Variants in ATAD2 observed in about 807,000 individuals in gnomAD.
ATAD2 encodes the protein ATPase family AAA domain containing 2.
Under a neutral mutation model 168.9 loss-of-function variants are expected in ATAD2, and 62 were observed. The observed-to-expected ratio is 0.37, with a 90% CI of 0.30 to 0.45. ATAD2 has a LOEUF of 0.45. Ranked by LOEUF, ATAD2 falls within the 20% of genes least tolerant of loss-of-function variation. The pLI is 1.00. For synonymous variants in ATAD2, 613 were observed against 571.6 expected, an observed-to-expected ratio of 1.07 and a Z score of -1.03; for missense variants, 1,419 against 1,667.8, an observed-to-expected ratio of 0.85 and a Z score of 2.60.
intron 19 of ATAD2, chr8:123,344,652 T>C (rs1291221201): frequency 2.2e-6 from 1 of 456,322 alleles, no homozygotes; most frequent in South Asian, 2.2e-5. Context: ...CGGCATATAA[T>C]ACCATTTTTC....
intron 3 of ATAD2, 122 bp downstream of exon 3, chr8:123,372,515 G>T: frequency 3.9e-6 from 3 of 764,444 alleles, no homozygotes; most frequent in Non-Finnish European, 4.0e-6. Flanking sequence ...ATATACTTAC[G>T]TTAAAACCTA....
intron 1 of ATAD2, among the ~76,000 whole-genome samples, chr8:123,395,750 G>A (rs1179426518): frequency 6.6e-6 from 1 of 152,130 alleles, no homozygotes; most frequent in Non-Finnish European, 1.5e-5. Flanking sequence ...CAACCTGTCT[G>A]TCCCTGTGCC....
intron 2 of ATAD2, among the ~76,000 whole-genome samples, chr8:123,376,761 A>C (rs1314900944): frequency 6.6e-6 from 1 of 151,550 alleles, no homozygotes; most frequent in Non-Finnish European, 1.5e-5. Flanking sequence ...GTTCAAGACA[A>C]GCCTGGGTAA....
At chr8:123,377,002 A>G (rs1829333673) in intron 2 of ATAD2, among the ~76,000 whole-genome samples, 1 of 148,420 alleles carries the variant, frequency 6.7e-6, no homozygotes, top group Non-Finnish European at 1.5e-5. Context: ...GAGGCAGGAG[A>G]ATCACTTGAA....
chr8:123,321,191 G>C lies in ATAD2; in HGVS notation c.4132-16C>G, dbSNP rs1350944247. The C allele has an allele frequency of 6.3e-7, 1 of 1,599,448 alleles. No homozygotes were observed. Among genetic ancestry groups the C allele is most frequent in the Non-Finnish European group, 8.5e-7 (1 of 1,174,654 alleles). Reference sequence around the variant, plus strand: ...GCTCCATTTTCTAGATAAAGGGGAGGAAGAGCAAATAGTAAGTTTCAATAT... The same window carrying C: ...GCTCCATTTTCTAGATAAAGGGGAGCAAGAGCAAATAGTAAGTTTCAATAT... On this transcript the variant is annotated splice_polypyrimidine_tract_variant and intron_variant, in intron 27 of 27. Coordinates refer to ENST00000287394, the MANE Select transcript of ATAD2 (RefSeq NM_014109.4).
intron 1 of ATAD2, among the ~76,000 whole-genome samples, chr8:123,414,110 A>G (rs1165390692): frequency 2.6e-5 from 4 of 150,988 alleles, no homozygotes; most frequent in African/African-American, 9.7e-5. Flanking sequence ...AAAAAAAAAA[A>G]AAAAAAAAAA....
upstream of ATAD2, among the ~76,000 whole-genome samples, chr8:123,397,174 C>A (rs1812887960): frequency 7.2e-6 from 1 of 138,816 alleles, no homozygotes; most frequent in South Asian, 2.2e-4. Flanking sequence ...CCGGGAGGCA[C>A]AGGTTGCAGT....
chr8:123,339,262 T>A (rs1482348578), intron 20 of ATAD2, 49 bp downstream of exon 20: 4 of 1,406,478 alleles, frequency 2.8e-6, no homozygotes, highest in Non-Finnish European at 3.9e-6. Context: ...ACTATTTCAT[T>A]CCTACTTTCT....
chr8:123,362,467 G>C (rs1828856862), intron 8 of ATAD2, among the ~76,000 whole-genome samples: 1 of 151,272 alleles, frequency 6.6e-6, no homozygotes, highest in African/African-American at 2.4e-5. Flanking sequence ...TTGGAGTGCA[G>C]TGGGATGATC....
chr8:123,382,672 G>A (rs1411644099), intron 1 of ATAD2, among the ~76,000 whole-genome samples: 1 of 152,150 alleles, frequency 6.6e-6, no homozygotes, highest in Non-Finnish European at 1.5e-5. Context: ...CAGTTAGAAT[G>A]GTGATCATTA....
At chr8:123,339,739 T>A (rs371855746) in intron 19 of ATAD2, among the ~76,000 whole-genome samples, 18 of 152,204 alleles carry the variant, frequency 1.2e-4, no homozygotes, top group African/African-American at 3.9e-4. Context: ...AATGACAAGC[T>A]AAATTGTATA....
chr8:123,332,278 C>T (rs1029059212), intron 24 of ATAD2, among the ~76,000 whole-genome samples: 1 of 151,992 alleles, frequency 6.6e-6, no homozygotes, highest in South Asian at 2.1e-4. Context: ...ACCTCAAACT[C>T]GTATTATTCA....
In ATAD2 at chr8:123,348,240, C is replaced by A. The variant is rs1041557770; in HGVS notation, c.1840G>T (p.Asp614Tyr). 1 of 1,601,274 alleles carries A rather than the reference C, an allele frequency of 6.2e-7. No individual in the cohort carries two copies. The highest frequency in any genetic ancestry group is 1.1e-5 in the South Asian group (1 of 87,524). The change falls in exon 15 of 28, where the codon GAT (aspartate) becomes TAT (tyrosine). Residue 614 changes from aspartate to tyrosine, a missense_variant. By Grantham distance (160) the Asp-to-Tyr change is radical. Around this residue, in one of 5 missense-constraint regions of ATAD2, gnomAD observed 545 missense variants for 724.9 expected, o/e 0.75. Transcript: ENST00000287394. Reference sequence around the variant, plus strand: ...GTGTCCAGTGGTTTGGGATTCCAATCCCTGGTGTGAATCTTTAGAATCTCT... The same window carrying A: ...GTGTCCAGTGGTTTGGGATTCCAATACCTGGTGTGAATCTTTAGAATCTCT... ...RKEILKIHTR[D>Y]WNPKPLDTFL...
chr8:123,376,436 A>G (rs1028587401), intron 2 of ATAD2, among the ~76,000 whole-genome samples: 2 of 150,160 alleles, frequency 1.3e-5, no homozygotes, highest in African/African-American at 4.9e-5. Context: ...GTGGCACATG[A>G]CTGTAATCCC....
intron 12 of ATAD2, 69 bp downstream of exon 12, chr8:123,357,493 T>C (rs1338041172): frequency 3.0e-6 from 4 of 1,331,518 alleles, no homozygotes; most frequent in African/African-American, 1.5e-5. Flanking sequence ...ATGTAAGATT[T>C]ATCTAATCCT....
chr8:123,408,689 G>A (rs1813104410), intron 1 of ATAD2, among the ~76,000 whole-genome samples: 2 of 152,136 alleles, frequency 1.3e-5, no homozygotes, highest in South Asian at 4.1e-4. Flanking sequence ...GCTACTTTTT[G>A]TATTTTTAGT....
intron 2 of ATAD2, 28 bp downstream of exon 2, chr8:123,380,501 G>T: frequency 6.2e-7 from 1 of 1,606,884 alleles, no homozygotes; most frequent in South Asian, 1.1e-5. Context: ...AAACTATTTT[G>T]AATTAGTGTT....
In ATAD2 at chr8:123,328,176, T is replaced by G. The variant is rs1827664083; in HGVS notation, c.3868+14A>C. On this transcript the variant is annotated intron_variant, in intron 25 of 27. Coordinates refer to ENST00000287394, the MANE Select transcript of ATAD2 (RefSeq NM_014109.4). ...TTTAAAATCAGTAAATTATTTTAAT[T>G]GAAAAAGACGTACCTTTTCCTTCAT... The G allele has an allele frequency of 3.7e-6, 5 of 1,361,378 alleles. No homozygotes were observed. Among genetic ancestry groups the G allele is most frequent in the Non-Finnish European group, 4.8e-6 (5 of 1,052,564 alleles). 84.3% of individuals were successfully genotyped at this position (1,361,378 alleles called of 1,614,324 possible).
At chr8:123,371,181 AT>A in intron 5 of ATAD2, 54 bp downstream of exon 5, 1 of 1,395,282 alleles carries the variant, frequency 7.2e-7, no homozygotes, top group East Asian at 2.3e-5. Context: ...ATTAGGTACT[AT>A]AAAAAAATTA....
Sources: allele counts gnomAD v4.1 joint callset (sites outside exome capture counted in the v4.1 genomes callset), GRCh38; gene constraint gnomAD v4.1.1; regional missense constraint gnomAD v4.1.1; transcripts MANE v1.5; gene names NCBI Gene and HGNC (gene_info 2026-07-23, HGNC 2026-07-21).